Variants in PKN3 observed in about 807,000 individuals in gnomAD.
The protein encoded by PKN3 is protein kinase N3, also known as serine/threonine-protein kinase N3.
A neutral mutation model predicts 113.1 loss-of-function variants in PKN3; 91 were observed. The ratio of observed to expected loss-of-function variants is 0.80; its 90% confidence interval spans 0.68 to 0.96. The LOEUF is 0.96. Ranked by LOEUF, PKN3 falls within the 40% of genes least tolerant of loss-of-function variation. The pLI is 0.00. For synonymous variants in PKN3, 467 were observed against 499.0 expected, an observed-to-expected ratio of 0.94 and a Z score of 0.85; for missense variants, 1,052 against 1,202.2, an observed-to-expected ratio of 0.88 and a Z score of 1.85.
At chr9:128,705,596 C>T (rs2132284657) in intron 2 of PKN3, 53 bp downstream of exon 2, 5 of 1,545,838 alleles carry the variant, frequency 3.2e-6, no homozygotes, top group Middle Eastern at 1.9e-4. Flanking sequence ...GCCCATCTGG[C>T]CCCTGGCCTT....
At position 128,713,065 on chromosome 9, in the gene PKN3, C is replaced by T; in HGVS notation, c.849C>T (p.Val283=). ...CTCTCCCCACAGGGACACTGCAGGT[C>T]CGCCTCCTGGGCTGTGAACAGTTGC... The part of the protein sequence containing the change: ...KPTALTGTLQ[V]RLLGCEQLLT... The change falls in exon 7 of 22, where the codon GTC becomes GTT. Residue 283 remains valine, a synonymous_variant. Transcript: ENST00000291906. 3 of 1,607,422 alleles carry T rather than the reference C, an allele frequency of 1.9e-6. No homozygotes were observed. Among genetic ancestry groups the T allele is most frequent in the Non-Finnish European group, 8.5e-7 (1 of 1,175,936 alleles).
chr9:128,713,721 G>T, intron 9 of PKN3, 79 bp downstream of exon 9: 1 of 1,392,670 alleles, frequency 7.2e-7, no homozygotes. Flanking sequence ...CCGATGCACT[G>T]CGTGTAGGTG....
chr9:128,720,253 C>T lies in PKN3; in HGVS notation c.2427C>T (p.Ala809=), dbSNP rs776684505. 23 of 1,613,766 alleles carry T rather than the reference C, an allele frequency of 1.4e-5. No homozygotes were observed. The highest frequency in any genetic ancestry group is 2.7e-5 in the African/African-American group (2 of 74,896). ...GCCTCGGGGCAGGTGAGCAGGATGC[C>T]GAGGAGATCAAGGTCCAGCCATTCT... ...EKRLGAGEQD[A]EEIKVQPFFR... Residue 809 remains alanine (A), a synonymous_variant, in exon 21 of 22, where the codon GCC becomes GCT. Coordinates refer to ENST00000291906, the MANE Select transcript of PKN3 (RefSeq NM_013355.5). The surrounding 1 kb of genome is among the most constrained non-coding windows in gnomAD (Gnocchi z 5.5).
At position 128,703,809 on chromosome 9, in the gene PKN3, C is replaced by A. The variant is rs957507757; in HGVS notation, c.24+870C>A. 3 of 985,326 alleles carry A rather than the reference C, an allele frequency of 3.0e-6. No individual in the cohort carries two copies. In the African/African-American group the frequency reaches 5.2e-5, roughly 17 times the overall value. The allele number at this position is 985,326 out of a possible 1,614,324, so 61.0% of individuals were successfully genotyped here. A position where few individuals can be genotyped will look rare whatever the true frequency, so the allele number is the denominator to read the frequency against. On this transcript the variant is annotated intron_variant, in intron 1 of 21. Coordinates refer to ENST00000291906, the MANE Select transcript of PKN3 (RefSeq NM_013355.5). ...TGGGGCTCGGTCTGCCCCCTCCCAC[C>A]CCCTTCCTCTGGAGGTCCCTCCGCC... is the stretch of plus-strand genomic sequence containing the variant.
chr9:128,706,880 G>T lies in PKN3; in HGVS notation c.524-16G>T. On this transcript the variant is annotated splice_polypyrimidine_tract_variant and intron_variant, in intron 4 of 21. Transcript: ENST00000291906. ...CAGGGAAGAGCAGGGCCTGAGAGCCGCCGTCCTTCCCACAGGGCCTGAGCT... is the reference window on the plus strand; with the variant it reads ...CAGGGAAGAGCAGGGCCTGAGAGCCTCCGTCCTTCCCACAGGGCCTGAGCT... 4 of 1,613,846 alleles carry T rather than the reference G, an allele frequency of 2.5e-6. No homozygotes were observed. The highest frequency in any genetic ancestry group is 1.7e-6 in the Non-Finnish European group (2 of 1,179,962).
rs1564378313 is a variant in PKN3 at position 128,718,898 on chromosome 9, G to GTTTTTTTTTTTTTTTTTTTTTTTTTTTT, written c.2125+276_2125+277insTTTTTTTTTTTTTTTTTTTTTTTTTTTT. Among the ~76,000 whole-genome samples the GTTTTTTTTTTTTTTTTTTTTTTTTTTTT allele has an allele frequency of 8.1e-5, 2 of 24,540 alleles. 1 individual carries two copies. The highest frequency in any genetic ancestry group is 1.8e-4 in the Non-Finnish European group (2 of 11,210). 16.1% of individuals were successfully genotyped at this position (24,540 alleles called of 152,430 possible). A position where few individuals can be genotyped will look rare whatever the true frequency, so the allele number is the denominator to read the frequency against. ...AGTTCTGCCTTCTGTTTTTTTTTTG[G>GTTTTTTTTTTTTTTTTTTTTTTTTTTTT]TTTGTTTTTTTTTTTGAGACGGAGT... is the stretch of plus-strand genomic sequence containing the variant. On this transcript the variant is annotated intron_variant, in intron 18 of 21. Transcript: ENST00000291906.
intron 9 of PKN3, 112 bp from the exon 10 acceptor site, chr9:128,713,934 T>G: frequency 9.1e-7 from 1 of 1,093,230 alleles, no homozygotes; most frequent in Non-Finnish European, 1.4e-6. Flanking sequence ...TCTTTCTGGC[T>G]CTTGCATCTG....
At position 128,705,291 on chromosome 9, in the gene PKN3, C is replaced by A; in HGVS notation, c.25-12C>A. ...GCTGTTCTCCACCCTCTGCTTTCCA[C>A]CGGCTCTGCAGCCTGGGCCGAGCCA... On this transcript the variant is annotated splice_polypyrimidine_tract_variant and intron_variant, in intron 1 of 21. Coordinates refer to ENST00000291906, the MANE Select transcript of PKN3 (RefSeq NM_013355.5). 1 of 1,550,292 alleles carries A rather than the reference C, an allele frequency of 6.5e-7. No individual in the cohort carries two copies. The highest frequency in any genetic ancestry group is 2.0e-5 in the Admixed American group (1 of 50,188).
In PKN3 at chr9:128,706,960, C is replaced by T. The variant is rs375139834; in HGVS notation, c.588C>T (p.Gly196=). 54 of 1,614,158 alleles carry T rather than the reference C, an allele frequency of 3.3e-5. No individual in the cohort carries two copies. Among genetic ancestry groups the T allele is most frequent in the African/African-American group, 2.8e-4 (21 of 75,058 alleles). Residue 196 remains glycine, a synonymous_variant, in exon 5 of 22, where the codon GGC becomes GGT. Transcript: ENST00000291906. ...RLHVEAAVAE[G]AKNVVKLLSS... ...ACGTTGAGGCAGCTGTGGCTGAGGG[C>T]GCCAAGAACGTGGTGAAACTGCTTA... is the stretch of plus-strand genomic sequence containing the variant.
chr9:128,704,720 A>G (rs759778747), intron 1 of PKN3, among the ~76,000 whole-genome samples: 17 of 152,092 alleles, frequency 1.1e-4, no homozygotes, highest in Non-Finnish European at 2.4e-4. Flanking sequence ...AGGATTCAAG[A>G]CCAGCCTGAC....
chr9:128,709,014 G>A (rs750327726), intron 6 of PKN3, among the ~76,000 whole-genome samples: 9 of 151,764 alleles, frequency 5.9e-5, no homozygotes, highest in African/African-American at 9.7e-5. Context: ...CGCCGGGCGC[G>A]GTGGCTCACG....
chr9:128,702,833 A>G lies in PKN3; in HGVS notation c.-83A>G. 2 of 1,047,992 alleles carry G rather than the reference A, an allele frequency of 1.9e-6. No homozygotes were observed. Among genetic ancestry groups the G allele is most frequent in the Non-Finnish European group, 2.8e-6 (2 of 722,858 alleles). 64.9% of individuals were successfully genotyped at this position (1,047,992 alleles called of 1,614,324 possible). ...CGGCGCCGCTTCCCGGGAAGTTTCA[A>G]GTTTGAAAGTCCTGGCGGAGGGTCT... is the stretch of plus-strand genomic sequence containing the variant. On this transcript the variant is annotated 5_prime_UTR_variant, in exon 1 of 22. Coordinates refer to ENST00000291906, the MANE Select transcript of PKN3 (RefSeq NM_013355.5).
Position 128,713,294 on chromosome 9 carries a change from G to T in PKN3, c.999G>T (p.Val333=). 1 of 1,614,076 alleles carries T rather than the reference G, an allele frequency of 6.2e-7. No individual in the cohort carries two copies. The highest frequency in any genetic ancestry group is 1.3e-5 in the African/African-American group (1 of 75,072). Reference sequence around the variant, plus strand: ...GCCCTGCAGGCGAGGTGCTGGCTGTGCTAAAGGTGGACAACCGTGTTGTGG... The same window carrying T: ...GCCCTGCAGGCGAGGTGCTGGCTGTTCTAAAGGTGGACAACCGTGTTGTGG... The part of the protein sequence containing the change: ...RGELASEVLA[V]LKVDNRVVGQ... The change falls in exon 8 of 22, where the codon GTG becomes GTT. Residue 333 remains valine (V), a synonymous_variant. Transcript: ENST00000291906.
intron 1 of PKN3, chr9:128,703,717 G>T (rs913773749): frequency 1.3e-4 from 127 of 985,310 alleles, no homozygotes; most frequent in Non-Finnish European, 1.5e-4. Context: ...CGGGACCATG[G>T]GGGTGTTGCG....
chr9:128,720,764 T>C lies in PKN3; in HGVS notation c.*158T>C. 4.5e-6 allele frequency: 3 copies of C among 661,670 alleles called. No individual in the cohort carries two copies. Among genetic ancestry groups the C allele is most frequent in the Non-Finnish European group, 2.6e-6 (1 of 387,196 alleles). 41.0% of individuals were successfully genotyped at this position (661,670 alleles called of 1,614,324 possible). A position where few individuals can be genotyped will look rare whatever the true frequency, so the allele number is the denominator to read the frequency against. On this transcript the variant is annotated 3_prime_UTR_variant, in exon 22 of 22. Coordinates refer to ENST00000291906, the MANE Select transcript of PKN3 (RefSeq NM_013355.5). This position sits in a 1 kb window ranked among gnomAD's most constrained non-coding sequence, Gnocchi z 5.5. ...ATGGGGCCACTGTTGTGGGCTTTGC[T>C]CAGTGTCACTGGGCAAAGTGTGTCC...
Position 128,718,587 on chromosome 9 carries a change from G to T in PKN3, c.2087G>T (p.Gly696Val). 1 of 1,614,104 alleles carries T rather than the reference G, an allele frequency of 6.2e-7. No individual in the cohort carries two copies. Among genetic ancestry groups the T allele is most frequent in the Admixed American group, 1.7e-5 (1 of 60,014 alleles). ...GATAACCTTCTGCTGGATGCCCAGG[G>T]ATTCCTGAAGATCGCAGACTTTGGA... ...KLDNLLLDAQ[G>V]FLKIADFGLC... is the part of the protein sequence containing the mutation. The change falls in exon 18 of 22, where the codon GGA becomes GTA. Residue 696 changes from glycine to valine, a missense_variant. Transcript: ENST00000291906.
Position 128,717,117 on chromosome 9 carries a change from C to CTTTTTTTTTTTTTTTTTTTTTG in PKN3, c.1985+215_1985+216insGTTTTTTTTTTTTTTTTTTTTT, listed in dbSNP as rs1862364771. On this transcript the variant is annotated intron_variant, in intron 16 of 21. Transcript: ENST00000291906. The stretch of plus-strand genomic sequence containing the variant: ...GCTTATGAAGCTGTGCATTAGGTTT[C>CTTTTTTTTTTTTTTTTTTTTTG]TTTTTTTTTTTTTTTTTTTTTTTTT... Among the ~76,000 whole-genome samples, 2 of 24,364 alleles carry CTTTTTTTTTTTTTTTTTTTTTG rather than the reference C, an allele frequency of 8.2e-5. 1 individual carries two copies. The highest frequency in any genetic ancestry group is 1.6e-4 in the Non-Finnish European group (2 of 12,364). The allele number at this position is 24,364 out of a possible 152,430, so 16.0% of individuals were successfully genotyped here.
Position 128,715,129 on chromosome 9 carries a change from C to G in PKN3, c.1653-43C>G. On this transcript the variant is annotated intron_variant, in intron 13 of 21. Coordinates refer to ENST00000291906, the MANE Select transcript of PKN3 (RefSeq NM_013355.5). This position sits in a 1 kb window ranked among gnomAD's most constrained non-coding sequence, Gnocchi z 4.1. ...GGAGTGGCTCTGGGTAGGGGCCCAGCCAGTGCCCTAGGGGACTTCATATAC... is the reference window on the plus strand; with the variant it reads ...GGAGTGGCTCTGGGTAGGGGCCCAGGCAGTGCCCTAGGGGACTTCATATAC... 1 of 1,584,596 alleles carries G rather than the reference C, an allele frequency of 6.3e-7. No individual in the cohort carries two copies. The highest frequency in any genetic ancestry group is 8.7e-7 in the Non-Finnish European group (1 of 1,153,728).
chr9:128,705,563 C>A lies in PKN3; in HGVS notation c.265+20C>A. On this transcript the variant is annotated intron_variant, in intron 2 of 21. Transcript: ENST00000291906. ...CAGCTGGTGAGTGAGGAGCTGAGAC[C>A]CCCTCAGGACAGAAGGCTCTAGGCC... 6.4e-7 allele frequency: 1 copy of A among 1,552,054 alleles called. No homozygotes were observed. The highest frequency in any genetic ancestry group is 1.2e-5 in the South Asian group (1 of 84,060).
Sources: allele counts gnomAD v4.1 joint callset (sites outside exome capture counted in the v4.1 genomes callset), GRCh38; gene constraint gnomAD v4.1.1; non-coding constraint Gnocchi (gnomAD v3.1); transcripts MANE v1.5; gene names NCBI Gene and HGNC (gene_info 2026-07-23, HGNC 2026-07-21).